PPARGC1B: variants seen among roughly 807,000 people sequenced by gnomAD.
The protein encoded by PPARGC1B is PPARG coactivator 1 beta, also known as peroxisome proliferator-activated receptor gamma coactivator 1-beta.
A neutral mutation model predicts 101.6 loss-of-function variants in PPARGC1B; 34 were observed. The ratio of observed to expected loss-of-function variants is 0.33; its 90% CI spans 0.25 to 0.45. The LOEUF (loss-of-function observed/expected upper bound fraction) is 0.45, where lower values mean the gene tolerates loss of function less well. Among genes scored for constraint, PPARGC1B ranks in the 20% least tolerant of loss-of-function variants. The pLI is 1.00. For synonymous variants in PPARGC1B, 548 were observed against 539.3 expected (o/e 1.02, Z -0.22); for missense variants, 1,234 against 1,317.6 (o/e 0.94, Z 0.98).
intron 2 of PPARGC1B, among the ~76,000 whole-genome samples, chr5:149,821,731 C>G (rs1323738053): frequency 1.3e-5 from 2 of 152,210 alleles, no homozygotes; most frequent in African/African-American, 2.4e-5. Context: ...GTGTCAGGCA[C>G]TGTGTTCATC....
chr5:149,748,513 T>G lies in PPARGC1B; in HGVS notation c.78+18093T>G, dbSNP rs538040438. 2.0e-5 allele frequency among the ~76,000 whole-genome samples: 3 copies of G among 152,232 alleles called. No homozygotes were observed. In the East Asian group the frequency reaches 5.8e-4, roughly 29 times the overall value. On this transcript the variant is annotated intron_variant, in intron 1 of 11. Transcript: ENST00000309241. ...CACTCCTTGTGCACGGGAAACCAGTTGCAGATTTGAGCAAGCCTTGCTCCC... is the reference window on the plus strand; with the variant it reads ...CACTCCTTGTGCACGGGAAACCAGTGGCAGATTTGAGCAAGCCTTGCTCCC...
rs796891513 is a variant in PPARGC1B, at chr5:149,786,105, G to GTTTT, written c.79-34326_79-34323dup. Among the ~76,000 whole-genome samples, 224 of 151,380 alleles carry GTTTT rather than the reference G, an allele frequency of 1.5e-3. 1 individual carries two copies. The highest frequency in any genetic ancestry group is 0.014 in the Middle Eastern group (4 of 294). On this transcript the variant is annotated intron_variant, in intron 1 of 11. Coordinates refer to ENST00000309241, the MANE Select transcript of PPARGC1B (RefSeq NM_133263.4). ...GCCAGGCAGATTTTTGTTTTGTTTT[G>GTTTT]TTTTTGAGATGGAGTCTTGCTCTGT...
At chr5:149,812,885 C>T (rs1412014382) in intron 1 of PPARGC1B, among the ~76,000 whole-genome samples, 2 of 152,182 alleles carry the variant, frequency 1.3e-5, no homozygotes, top group African/African-American at 2.4e-5. Context: ...AGAGGAAACT[C>T]GGTGGGCTTC....
Position 149,836,310 on chromosome 5 carries a change from C to T in PPARGC1B, c.1855C>T (p.Pro619Ser), listed in dbSNP as rs773499548. The change falls in exon 8 of 12, where the codon CCC becomes TCC. Residue 619 changes from proline to serine, a missense_variant. This residue lies in a region of PPARGC1B where 497 missense variants were observed against 529.5 expected (regional missense o/e 0.94). Coordinates refer to ENST00000309241, the MANE Select transcript of PPARGC1B (RefSeq NM_133263.4). The part of the protein sequence containing the change: ...TPPYKPTEED[P>S]FKPDIKHSLG... ...ACCGTACAAGCCCACAGAGGAGGAT[C>T]CCTTCAAACCAGACATCAAGCATAG... is the stretch of plus-strand genomic sequence containing the variant. The T allele has an allele frequency of 2.5e-6, 4 of 1,610,502 alleles. No homozygotes were observed. Among genetic ancestry groups the T allele is most frequent in the Non-Finnish European group, 2.5e-6 (3 of 1,178,512 alleles).
chr5:149,840,542 C>A (rs147446376), intron 9 of PPARGC1B, among the ~76,000 whole-genome samples: 1 of 152,138 alleles, frequency 6.6e-6, no homozygotes, highest in African/African-American at 2.4e-5. Context: ...CTCATTTGTA[C>A]GTAAGGGAGT....
rs1759713451 is a variant in PPARGC1B, at chr5:149,850,098, A to C, written c.*2540A>C. The C allele has an allele frequency of 6.6e-6, 1 of 152,174 alleles. No individual in the cohort carries two copies. Among genetic ancestry groups the C allele is most frequent in the African/African-American group, 2.4e-5 (1 of 41,436 alleles). The allele number at this position is 152,174 out of a possible 1,614,324, so 9.4% of individuals were successfully genotyped here. A position where few individuals can be genotyped will look rare whatever the true frequency, so the allele number is the denominator to read the frequency against. On this transcript the variant is annotated 3_prime_UTR_variant, in exon 12 of 12. Transcript: ENST00000309241. ...TTGGGGGAGTCCAGATTCTACCAAG[A>C]ATTTCCTTTGTAACTTTGGTAAGTC...
At chr5:149,748,337 A>C (rs1755164999) in intron 1 of PPARGC1B, among the ~76,000 whole-genome samples, 1 of 151,692 alleles carries the variant, frequency 6.6e-6, no homozygotes, top group Non-Finnish European at 1.5e-5. Context: ...ATATATATAT[A>C]TCTCAGTGGG....
rs1442874530 is a variant in PPARGC1B at position 149,849,098 on chromosome 5, T to C, written c.*1540T>C. 6.6e-6 allele frequency: 1 copy of C among 151,662 alleles called. No homozygotes were observed. The highest frequency in any genetic ancestry group is 1.9e-4 in the East Asian group (1 of 5,196). The allele number at this position is 151,662 out of a possible 1,614,324, so 9.4% of individuals were successfully genotyped here. A position where few individuals can be genotyped will look rare whatever the true frequency, so the allele number is the denominator to read the frequency against. ...ATCAGGGTTCCTCGGGAAATTTTTG[T>C]ATTTTTTTTTTAAGTCCTGCTGCTT... On this transcript the variant is annotated 3_prime_UTR_variant, in exon 12 of 12. Transcript: ENST00000309241.
At chr5:149,842,463 G>C (rs1759391226) in intron 10 of PPARGC1B, 86 bp downstream of exon 10, 6 of 1,552,930 alleles carry the variant, frequency 3.9e-6, no homozygotes, top group Non-Finnish European at 5.3e-6. Context: ...AGATGCCCAA[G>C]ATTTGTGAAA....
intron 1 of PPARGC1B, among the ~76,000 whole-genome samples, chr5:149,742,143 C>A (rs1215578069): frequency 6.6e-6 from 1 of 152,218 alleles, no homozygotes; most frequent in Non-Finnish European, 1.5e-5. Context: ...CCCCATGAGG[C>A]AGTCCCACTG....
rs147821319 is a variant in PPARGC1B at position 149,837,475 on chromosome 5, A to T, written c.2618+402A>T. 6.6e-6 allele frequency among the ~76,000 whole-genome samples: 1 copy of T among 152,242 alleles called. No individual in the cohort carries two copies. Among genetic ancestry groups the T allele is most frequent in the African/African-American group, 2.4e-5 (1 of 41,460 alleles). Reference sequence around the variant, plus strand: ...AACAGTTTGAATTCTAGGGATGTTTATAAGTAAAAGAAAGATTAGTGTAAT... The same window carrying T: ...AACAGTTTGAATTCTAGGGATGTTTTTAAGTAAAAGAAAGATTAGTGTAAT... On this transcript the variant is annotated intron_variant, in intron 8 of 11. Coordinates refer to ENST00000309241, the MANE Select transcript of PPARGC1B (RefSeq NM_133263.4). This position sits in a 1 kb window ranked among gnomAD's most constrained non-coding sequence, Gnocchi z 4.2.
At position 149,772,230 on chromosome 5, in the gene PPARGC1B, G is replaced by A. The variant is rs1027103236; in HGVS notation, c.78+41810G>A. ...GGGTTGACGATTGTGACATGCTGCC[G>A]GGAGGGTGTTGGGTAGACACATGGT... On this transcript the variant is annotated intron_variant, in intron 1 of 11. Coordinates refer to ENST00000309241, the MANE Select transcript of PPARGC1B (RefSeq NM_133263.4). 3.9e-5 allele frequency: 61 copies of A among 1,574,374 alleles called. No homozygotes were observed. The Middle Eastern group carries it at 5.0e-4, about 13-fold the overall frequency.
intron 1 of PPARGC1B, among the ~76,000 whole-genome samples, chr5:149,804,933 G>A (rs1319607554): frequency 6.6e-6 from 1 of 152,190 alleles, no homozygotes; most frequent in African/African-American, 2.4e-5. Flanking sequence ...CGGCCCCTGA[G>A]GACTCCGGGT....
chr5:149,857,683 C>T (rs182008777), downstream of PPARGC1B, among the ~76,000 whole-genome samples: 1 of 152,226 alleles, frequency 6.6e-6, no homozygotes, highest in Non-Finnish European at 1.5e-5. Context: ...CCAGATTGAT[C>T]TACTGTGGAG....
rs200739030 is a variant in PPARGC1B at position 149,836,743 on chromosome 5, G to A, written c.2288G>A (p.Ser763Asn). 248 of 1,613,572 alleles carry A rather than the reference G, an allele frequency of 1.5e-4. No individual in the cohort carries two copies. Among genetic ancestry groups the A allele is most frequent in the Non-Finnish European group, 6.8e-6 (8 of 1,180,032 alleles). Residue 763 changes from serine to asparagine, a missense_variant, in exon 8 of 12, where the codon AGC becomes AAC. Ser to Asn is a conservative substitution (Grantham distance 46). Transcript: ENST00000309241. The part of the protein sequence containing the change: ...TLLRDHEIRA[S>N]LTKHFGLLET... Reference sequence around the variant, plus strand: ...CTGAGAGACCATGAGATCCGTGCCAGCCTCACCAAACACTTTGGGCTGCTG... The same window carrying A: ...CTGAGAGACCATGAGATCCGTGCCAACCTCACCAAACACTTTGGGCTGCTG...
At chr5:149,808,472 T>G (rs1273026850) in intron 1 of PPARGC1B, among the ~76,000 whole-genome samples, 1 of 152,146 alleles carries the variant, frequency 6.6e-6, no homozygotes, top group Admixed American at 6.5e-5. Context: ...AGAGCTGATG[T>G]GTTGAAATGG....
chr5:149,857,360 GA>G (rs938962654), downstream of PPARGC1B, among the ~76,000 whole-genome samples: 10 of 152,146 alleles, frequency 6.6e-5, no homozygotes, highest in African/African-American at 2.2e-4. Flanking sequence ...TTTTTTGACA[GA>G]TTGGGAAGGC....
rs963596678 is a variant in PPARGC1B, at chr5:149,833,046, T to C, written c.973T>C (p.Ser325Pro). ...ACSNPSQQVRSRPWSRHHSKA... is the reference protein window; with the variant it reads ...ACSNPSQQVRPRPWSRHHSKA... ...CAGCAACCCCTCCCAGCAGGTCAGA[T>C]CCCGGCCCTGGTCCCGGCACCACTC... Residue 325 changes from serine (S) to proline (P), a missense_variant, in exon 5 of 12, where the codon TCC becomes CCC. Around this residue, in one of 3 missense-constraint regions of PPARGC1B, gnomAD observed 734 missense variants for 768.4 expected, o/e 0.96. Coordinates refer to ENST00000309241, the MANE Select transcript of PPARGC1B (RefSeq NM_133263.4). This position sits in a 1 kb window ranked among gnomAD's most constrained non-coding sequence, Gnocchi z 4.1. 1 of 1,613,826 alleles carries C rather than the reference T, an allele frequency of 6.2e-7. No homozygotes were observed. The highest frequency in any genetic ancestry group is 1.1e-5 in the South Asian group (1 of 91,074).
At chr5:149,805,977 A>C (rs960645289) in intron 1 of PPARGC1B, among the ~76,000 whole-genome samples, 4 of 152,262 alleles carry the variant, frequency 2.6e-5, no homozygotes, top group Non-Finnish European at 4.4e-5. Flanking sequence ...GCTGTGCAGC[A>C]GCAGGGGCAG....
Sources: allele counts gnomAD v4.1 joint callset (sites outside exome capture counted in the v4.1 genomes callset), GRCh38; gene constraint gnomAD v4.1.1; regional missense constraint gnomAD v4.1.1; non-coding constraint Gnocchi (gnomAD v3.1); transcripts MANE v1.5; gene names NCBI Gene and HGNC (gene_info 2026-07-23, HGNC 2026-07-21).